The following GNG2 variants were observed in gnomAD, a reference collection of about 807,000 sequenced individuals.
GNG2 encodes the protein guanine nucleotide-binding protein G(I)/G(S)/G(O) subunit gamma-2.
GNG2 carries 5 observed loss-of-function variants against 5.5 expected under a neutral mutation model. The ratio of observed to expected loss-of-function variants is 0.91; its 90% CI spans 0.48 to 1.92. The LOEUF is 1.92. Ranked by LOEUF, GNG2 falls within the 30% of genes most tolerant of loss-of-function variation. The probability of loss-of-function intolerance (pLI) is 0.01; values close to 1 mark genes in which losing one functional copy is unlikely to be tolerated. For missense variants in GNG2, 55 were observed against 88.4 expected (o/e 0.62, Z 1.52); for synonymous variants, 28 against 32.0 (o/e 0.88, Z 0.42).
chr14:51,966,967 C>CCA lies in GNG2; in HGVS notation c.*281_*282insAC. On this transcript the variant is annotated 3_prime_UTR_variant, in exon 4 of 4. Transcript: ENST00000556766. ...TTCTTTTCTGCTATCCCCCAGCCCC[C>CCA]CCCCCAAAATCCTCATGTTTCTGCT... 1 of 176,488 alleles carries CCA rather than the reference C, an allele frequency of 5.7e-6. No individual in the cohort carries two copies. The highest frequency in any genetic ancestry group is 1.1e-5 in the Non-Finnish European group (1 of 87,438). The allele number at this position is 176,488 out of a possible 1,614,324, so 10.9% of individuals were successfully genotyped here.
At chr14:51,889,361 C>T (rs1169535848) in intron 2 of GNG2, among the ~76,000 whole-genome samples, 1 of 151,996 alleles carries the variant, frequency 6.6e-6, no homozygotes, top group Non-Finnish European at 1.5e-5. Flanking sequence ...GATCCGCCTG[C>T]CTCGGCCTCA....
chr14:51,880,662 C>T (rs1204934719), intron 2 of GNG2, among the ~76,000 whole-genome samples: 3 of 152,112 alleles, frequency 2.0e-5, no homozygotes, highest in African/African-American at 7.2e-5. Flanking sequence ...GAGCTAGCAG[C>T]AGGGCAACAA....
At chr14:51,841,521 C>T in intron 2 of GNG2, 1 of 702,042 alleles carries the variant, frequency 1.4e-6, no homozygotes, top group South Asian at 1.5e-5. Context: ...AATCCCAGAG[C>T]ATAGAAAAGT....
intron 2 of GNG2, among the ~76,000 whole-genome samples, chr14:51,932,074 G>T (rs373895837): frequency 6.6e-6 from 1 of 151,660 alleles, no homozygotes; most frequent in Non-Finnish European, 1.5e-5. Flanking sequence ...GTGAAACCCC[G>T]TCTCTACTAA....
At chr14:51,828,043 A>T (rs1011748716) in intron 2 of GNG2, among the ~76,000 whole-genome samples, 4 of 152,198 alleles carry the variant, frequency 2.6e-5, no homozygotes, top group African/African-American at 9.7e-5. Context: ...GTGGCCATGG[A>T]TTCTCGGGAT....
At chr14:51,869,538 G>A (rs191521763) in intron 1 of GNG2, among the ~76,000 whole-genome samples, 1 of 152,198 alleles carries the variant, frequency 6.6e-6, no homozygotes, top group Admixed American at 6.5e-5. Flanking sequence ...GTTGAAACAG[G>A]GCCTCGGTCT....
At chr14:51,880,822 T>C (rs145837185) in intron 2 of GNG2, among the ~76,000 whole-genome samples, 1 of 152,210 alleles carries the variant, frequency 6.6e-6, no homozygotes, top group East Asian at 1.9e-4. Context: ...CATTGATGCA[T>C]TGTTAAAATA....
intron 2 of GNG2, among the ~76,000 whole-genome samples, chr14:51,830,551 T>G (rs1881152893): frequency 1.3e-5 from 2 of 152,216 alleles, no homozygotes; most frequent in South Asian, 4.1e-4. Context: ...CAAATAAAAA[T>G]GCTCTATATC....
At chr14:51,882,771 A>G (rs1006184728) in intron 2 of GNG2, among the ~76,000 whole-genome samples, 4 of 152,270 alleles carry the variant, frequency 2.6e-5, no homozygotes, top group African/African-American at 9.6e-5. Flanking sequence ...TCCATTTGGG[A>G]GGCCGAGGCA....
intron 2 of GNG2, among the ~76,000 whole-genome samples, chr14:51,845,994 T>C (rs111925927): frequency 5.6e-4 from 85 of 152,334 alleles, no homozygotes; most frequent in African/African-American, 1.8e-3. Flanking sequence ...CTCCAGTTCA[T>C]TGCAGCTTCC....
At chr14:51,908,214 T>C (rs1021807446) in intron 2 of GNG2, among the ~76,000 whole-genome samples, 5 of 152,268 alleles carry the variant, frequency 3.3e-5, no homozygotes, top group African/African-American at 1.2e-4. Context: ...TCGGGGCCTC[T>C]CCATAGACTG....
intron 2 of GNG2, among the ~76,000 whole-genome samples, chr14:51,946,413 T>C (rs1364084982): frequency 6.6e-6 from 1 of 152,144 alleles, no homozygotes; most frequent in Non-Finnish European, 1.5e-5. Flanking sequence ...CAAATTCCAA[T>C]GAATATATAG....
At chr14:51,899,948 T>C (rs1885444114) in intron 2 of GNG2, among the ~76,000 whole-genome samples, 1 of 152,244 alleles carries the variant, frequency 6.6e-6, no homozygotes, top group African/African-American at 2.4e-5. Context: ...TTTTACCTAA[T>C]GTAAATAATG....
intron 2 of GNG2, among the ~76,000 whole-genome samples, chr14:51,914,677 G>A (rs68090074): frequency 0.35 from 53,934 of 152,042 alleles, 10,431 homozygotes; most frequent in Non-Finnish European, 0.44. Context: ...TGGTAGATCC[G>A]GTAACAAAGA....
chr14:51,906,656 T>A (rs1885937447), intron 2 of GNG2, among the ~76,000 whole-genome samples: 1 of 152,138 alleles, frequency 6.6e-6, no homozygotes, highest in Admixed American at 6.5e-5. Context: ...TATTTTTAAA[T>A]GAATTTGCAA....
intron 1 of GNG2, among the ~76,000 whole-genome samples, chr14:51,867,371 A>G (rs1953862): frequency 0.65 from 98,471 of 151,934 alleles, 32,004 homozygotes; most frequent in Non-Finnish European, 0.66. Context: ...TGAAACTCAC[A>G]TGTCCAAAAC....
At chr14:51,954,161 C>T (rs1438843661) in intron 3 of GNG2, among the ~76,000 whole-genome samples, 1 of 152,074 alleles carries the variant, frequency 6.6e-6, no homozygotes, top group East Asian at 1.9e-4. Flanking sequence ...GTTTTCTATC[C>T]CTTTACATCA....
At chr14:51,892,149 A>G (rs555386788) in intron 2 of GNG2, among the ~76,000 whole-genome samples, 1 of 152,184 alleles carries the variant, frequency 6.6e-6, no homozygotes, top group African/African-American at 2.4e-5. Flanking sequence ...CTGGAAGTCT[A>G]TTTTTTTAAA....
chr14:51,901,963 TAAAAAAAAAAAAAAAA>T (rs34308582), intron 2 of GNG2, among the ~76,000 whole-genome samples: 3 of 56,448 alleles, frequency 5.3e-5, no homozygotes, highest in South Asian at 1.0e-3. Flanking sequence ...TAACAATCTG[TAAAAAAAAAAAAAAAA>T]AAAAAAAAAA....
Sources: gnomAD v4.1 joint callset for allele counts (sites outside exome capture counted in the v4.1 genomes callset) on GRCh38, gnomAD v4.1.1 for gene constraint, MANE v1.5 for transcripts, NCBI Gene and HGNC (gene_info 2026-07-23, HGNC 2026-07-21) for gene names.